SUPT3H: variants seen among roughly 807,000 people sequenced by gnomAD.
SUPT3H encodes the protein transcription initiation protein SPT3 homolog.
A neutral mutation model predicts 44.3 loss-of-function variants in SUPT3H; 44 were observed. The observed-to-expected ratio is 0.99, with a 90% CI of 0.78 to 1.28. The LOEUF (loss-of-function observed/expected upper bound fraction) is 1.28. Among genes scored for constraint, SUPT3H ranks in the 50% most tolerant of loss-of-function variants. SUPT3H has a pLI of 0.00. For synonymous variants in SUPT3H, 124 were observed against 125.6 expected (o/e 0.99, Z 0.09); for missense variants, 380 against 387.1 (o/e 0.98, Z 0.15).
chr6:45,022,650 A>T (rs1446066833), intron 3 of SUPT3H, among the ~76,000 whole-genome samples: 1 of 152,070 alleles, frequency 6.6e-6, no homozygotes, highest in Non-Finnish European at 1.5e-5. Flanking sequence ...AACTGAAAGT[A>T]TCACTATGTT....
At chr6:44,937,507 G>C (rs372503052) in intron 9 of SUPT3H, among the ~76,000 whole-genome samples, 2 of 150,118 alleles carry the variant, frequency 1.3e-5, no homozygotes, top group African/African-American at 2.5e-5. Context: ...AAAAAAAACC[G>C]TACTGTTTTC....
intron 2 of SUPT3H, among the ~76,000 whole-genome samples, chr6:45,233,039 G>GT (rs150144216): frequency 0.01 from 1,536 of 152,198 alleles, 11 homozygotes; most frequent in Non-Finnish European, 0.017. Context: ...CGAGCACACA[G>GT]TTTATTTCAG....
rs375421082 is a variant in SUPT3H at position 45,194,236 on chromosome 6, A to G, written c.102-88230T>C. On this transcript the variant is annotated intron_variant, in intron 2 of 10. Transcript: ENST00000371459. ...TAAGAAAATCATCTTATCTTTATTA[A>G]CTATATTTCAAACACAACACATGTA... Among the ~76,000 whole-genome samples the G allele has an allele frequency of 5.3e-5, 8 of 152,260 alleles. No homozygotes were observed. In the East Asian group the frequency reaches 9.6e-4, roughly 18 times the overall value.
intron 6 of SUPT3H, among the ~76,000 whole-genome samples, chr6:44,980,560 A>T (rs181412488): frequency 6.6e-6 from 1 of 152,302 alleles, no homozygotes; most frequent in African/African-American, 2.4e-5. Context: ...TGTTTGGTCT[A>T]GATGTTAAAA....
At chr6:44,869,123 C>T (rs1775951204) in intron 10 of SUPT3H, among the ~76,000 whole-genome samples, 1 of 152,168 alleles carries the variant, frequency 6.6e-6, no homozygotes, top group African/African-American at 2.4e-5. Context: ...AAAGGCAGAA[C>T]ATCTCTAGCA....
intron 3 of SUPT3H, among the ~76,000 whole-genome samples, chr6:45,065,290 C>A (rs1199671572): frequency 9.2e-5 from 13 of 141,650 alleles, no homozygotes; most frequent in African/African-American, 3.4e-4. Context: ...ATACCAGAAT[C>A]TCTGGGACGC....
At position 45,293,700 on chromosome 6, in the gene SUPT3H, T is replaced by G. The variant is rs143994174; in HGVS notation, c.101+71501A>C. 4.0e-4 allele frequency among the ~76,000 whole-genome samples: 61 copies of G among 152,274 alleles called. No individual in the cohort carries two copies. In the East Asian group the frequency reaches 5.6e-3, roughly 14 times the overall value. On this transcript the variant is annotated intron_variant, in intron 2 of 10. Coordinates refer to ENST00000371459, the MANE Select transcript of SUPT3H (RefSeq NM_003599.4). Reference sequence around the variant, plus strand: ...AATACAAAAGACCCTTCAAGGCTACTATGAAGACCTTTACATCCACAGACT... The same window carrying G: ...AATACAAAAGACCCTTCAAGGCTACGATGAAGACCTTTACATCCACAGACT...
At chr6:45,062,890 G>A (rs1275248731) in intron 3 of SUPT3H, among the ~76,000 whole-genome samples, 2 of 152,018 alleles carry the variant, frequency 1.3e-5, no homozygotes, top group Non-Finnish European at 2.9e-5. Context: ...GGGGAGGGGC[G>A]CCTGCCATTG....
At chr6:44,972,771 C>T (rs1358406024) in intron 6 of SUPT3H, among the ~76,000 whole-genome samples, 4 of 152,226 alleles carry the variant, frequency 2.6e-5, no homozygotes, top group Non-Finnish European at 5.9e-5. Flanking sequence ...AGACTCAACA[C>T]CATGTGGAAG....
At chr6:45,245,752 A>G (rs1039590041) in intron 2 of SUPT3H, among the ~76,000 whole-genome samples, 5 of 152,120 alleles carry the variant, frequency 3.3e-5, no homozygotes, top group African/African-American at 1.2e-4. Flanking sequence ...ACACTGGTGT[A>G]CCAATATCCA....
intron 2 of SUPT3H, among the ~76,000 whole-genome samples, chr6:45,174,594 G>A (rs1039328129): frequency 6.6e-6 from 1 of 152,130 alleles, no homozygotes; most frequent in African/African-American, 2.4e-5. Flanking sequence ...GCTTAAAACA[G>A]CTTTCACTTT....
chr6:45,005,465 C>T (rs909368382), intron 5 of SUPT3H, among the ~76,000 whole-genome samples: 1 of 152,024 alleles, frequency 6.6e-6, no homozygotes, highest in African/African-American at 2.4e-5. Flanking sequence ...ATTTGCCAGG[C>T]GTGGTGGCTC....
At chr6:45,213,649 C>T (rs1348717830) in intron 2 of SUPT3H, among the ~76,000 whole-genome samples, 1 of 151,968 alleles carries the variant, frequency 6.6e-6, no homozygotes, top group East Asian at 1.9e-4. Context: ...AGTAAGCAAA[C>T]TTTTAAGGAT....
At chr6:44,820,519 A>C (rs1054515976) in intron 11 of SUPT3H, among the ~76,000 whole-genome samples, 2 of 152,200 alleles carry the variant, frequency 1.3e-5, no homozygotes, top group African/African-American at 4.8e-5. Flanking sequence ...AGAGAAGTAT[A>C]ATAACATGGG....
chr6:45,377,178 T>C (rs1796916425), intron 1 of SUPT3H: 1 of 152,230 alleles, frequency 6.6e-6, no homozygotes, highest in South Asian at 2.1e-4. Context: ...GGCGCTGTTC[T>C]AAGCGTTTAA....
chr6:45,269,279 T>C (rs1465780359), intron 2 of SUPT3H, among the ~76,000 whole-genome samples: 3 of 152,202 alleles, frequency 2.0e-5, no homozygotes, highest in Non-Finnish European at 4.4e-5. Flanking sequence ...ATATGGTACC[T>C]ACACTGTTAA....
In SUPT3H at chr6:44,928,882, CAAAAA is replaced by C. The variant is rs35656937; in HGVS notation, c.912+3766_912+3770del. On this transcript the variant is annotated intron_variant, in intron 10 of 10. Coordinates refer to ENST00000371459, the MANE Select transcript of SUPT3H (RefSeq NM_003599.4). ...TGGGCGACAGAACGAGACTCCGTCT[CAAAAA>C]AAAAAAAAAAAAAAAAAGAAAAGAA... Among the ~76,000 whole-genome samples, 145 of 20,652 alleles carry C rather than the reference CAAAAA, an allele frequency of 7.0e-3. 3 individuals are homozygous for C. Among genetic ancestry groups the C allele is most frequent in the South Asian group, 0.014 (7 of 502 alleles). The allele number at this position is 20,652 out of a possible 152,430, so 13.5% of individuals were successfully genotyped here.
chr6:45,132,307 C>G lies in SUPT3H; in HGVS notation c.102-26301G>C, dbSNP rs531008926. The stretch of plus-strand genomic sequence containing the variant: ...GACTGTTTGTAAACTTCCCATCAAC[C>G]CTGGTACATAAAATAAGCTAACTTC... On this transcript the variant is annotated intron_variant, in intron 2 of 10. Transcript: ENST00000371459. Among the ~76,000 whole-genome samples, 3 of 152,250 alleles carry G rather than the reference C, an allele frequency of 2.0e-5. No individual in the cohort carries two copies. In the South Asian group the frequency reaches 6.2e-4, roughly 32 times the overall value.
intron 2 of SUPT3H, among the ~76,000 whole-genome samples, chr6:45,114,183 T>TTAA (rs1284381370): frequency 1.3e-5 from 2 of 152,116 alleles, no homozygotes; most frequent in African/African-American, 2.4e-5. Context: ...CCTACAAGTA[T>TTAA]TAATCACTCA....
Sources: gnomAD v4.1 joint callset for allele counts (sites outside exome capture counted in the v4.1 genomes callset) on GRCh38, gnomAD v4.1.1 for gene constraint, MANE v1.5 for transcripts, NCBI Gene and HGNC (gene_info 2026-07-23, HGNC 2026-07-21) for gene names.